IQCK: variants seen among roughly 807,000 people sequenced by gnomAD.
IQCK encodes the protein IQ motif containing K.
Under a neutral mutation model 28.1 loss-of-function variants are expected in IQCK, and 29 were observed. The ratio of observed to expected loss-of-function variants is 1.03; its 90% CI spans 0.77 to 1.41. The LOEUF (loss-of-function observed/expected upper bound fraction) is 1.41. IQCK is among the 40% of genes most tolerant of loss of function. IQCK has a pLI of 0.00. For synonymous variants in IQCK, 113 were observed against 115.1 expected (o/e 0.98, Z 0.12); for missense variants, 359 against 314.7 (o/e 1.14, Z -1.07).
chr16:19,725,269 T>C (rs1977620536), intron 1 of IQCK, among the ~76,000 whole-genome samples: 1 of 152,140 alleles, frequency 6.6e-6, no homozygotes, highest in South Asian at 2.1e-4. Context: ...GTGATCGTGC[T>C]TACTACAGCC....
At chr16:19,759,348 A>G (rs1199215277) in intron 4 of IQCK, among the ~76,000 whole-genome samples, 4 of 152,020 alleles carry the variant, frequency 2.6e-5, no homozygotes, top group African/African-American at 9.7e-5. Context: ...AGCTGGGATT[A>G]CAGGCACGTG....
chr16:19,771,999 T>A lies in IQCK; in HGVS notation c.605+7887T>A, dbSNP rs77400206. On this transcript the variant is annotated intron_variant, in intron 6 of 7. Coordinates refer to ENST00000564186, the Ensembl canonical transcript of IQCK. The stretch of plus-strand genomic sequence containing the variant: ...GGTGCATATAAACAGCCTGCTTATG[T>A]GATTGTCTCCAGCAACCCTCCACAG... Among the ~76,000 whole-genome samples, 1,089 of 152,244 alleles carry A rather than the reference T, an allele frequency of 7.2e-3. 19 individuals are homozygous for A. Among genetic ancestry groups the A allele is most frequent in the Admixed American group, 0.039 (590 of 15,280 alleles).
chr16:19,812,869 A>T (rs2055926909), intron 7 of IQCK, among the ~76,000 whole-genome samples: 1 of 152,244 alleles, frequency 6.6e-6, no homozygotes, highest in Non-Finnish European at 1.5e-5. Context: ...ATTTGAAAAA[A>T]CTTAAGTGCA....
chr16:19,799,152 C>T (rs1310477780), intron 7 of IQCK, among the ~76,000 whole-genome samples: 1 of 117,504 alleles, frequency 8.5e-6, no homozygotes, highest in Non-Finnish European at 1.6e-5. Context: ...CAATTATAAA[C>T]ACTTTTTTAA....
At chr16:19,718,400 G>A in exon 1 of IQCK, 1 of 1,606,120 alleles carries the variant, frequency 6.2e-7, no homozygotes, top group Middle Eastern at 1.7e-4. Flanking sequence ...GGTGCCCACC[G>A]TGTCTCTCGC....
intron 6 of IQCK, among the ~76,000 whole-genome samples, chr16:19,781,461 G>A (rs1285709206): frequency 6.6e-6 from 1 of 152,148 alleles, no homozygotes; most frequent in Non-Finnish European, 1.5e-5. Context: ...GTAGAGATTA[G>A]TGAAGGGGCC....
At chr16:19,819,229 AC>A (rs1469623118) in intron 7 of IQCK, among the ~76,000 whole-genome samples, 1 of 152,184 alleles carries the variant, frequency 6.6e-6, no homozygotes, top group Non-Finnish European at 1.5e-5. Context: ...GTGTTGTCTC[AC>A]GCCTGTAATT....
chr16:19,734,048 T>G (rs1977926943), intron 3 of IQCK: 1 of 466,378 alleles, frequency 2.1e-6, no homozygotes, highest in Non-Finnish European at 3.8e-6. Context: ...ATACTTTGAT[T>G]TTACATTAAA....
At chr16:19,731,501 T>C (rs1468728933) in intron 2 of IQCK, among the ~76,000 whole-genome samples, 3 of 152,242 alleles carry the variant, frequency 2.0e-5, no homozygotes, top group Non-Finnish European at 4.4e-5. Context: ...CGCAATTCTT[T>C]CTCAAATTTC....
intron 1 of IQCK, among the ~76,000 whole-genome samples, chr16:19,719,590 CA>C (rs564160103): frequency 6.2e-4 from 81 of 129,704 alleles, no homozygotes; most frequent in South Asian, 1.8e-3. Context: ...ACTCCATCCC[CA>C]AAAAAAAAAA....
rs1438170363 is a variant in IQCK at position 19,833,969 on chromosome 16, T to C, written c.802+6832T>C. Among the ~76,000 whole-genome samples, 3 of 152,094 alleles carry C rather than the reference T, an allele frequency of 2.0e-5. No homozygotes were observed. In the East Asian group the frequency reaches 5.8e-4, roughly 29 times the overall value. ...CAGGCGTGCTAGCACACTCCTGTAG[T>C]CCCAGCTACTCAGGAAGCTGAGGTG... On this transcript the variant is annotated intron_variant, in intron 9 of 9. Transcript: ENST00000320394.
intron 4 of IQCK, chr16:19,761,697 G>A (rs1597531104): frequency 3.8e-6 from 1 of 262,572 alleles, no homozygotes; most frequent in East Asian, 9.4e-5. Context: ...CCACCCCATT[G>A]GCAGGCTCAG....
chr16:19,857,401 C>T (rs1160487401), exon 10 of IQCK: 9 of 429,014 alleles, frequency 2.1e-5, no homozygotes, highest in Non-Finnish European at 4.1e-5. Context: ...TTTATATAGT[C>T]GTTTATGGTA....
At chr16:19,723,088 A>G (rs554346923) in intron 1 of IQCK, among the ~76,000 whole-genome samples, 1 of 150,782 alleles carries the variant, frequency 6.6e-6, no homozygotes, top group African/African-American at 2.4e-5. Flanking sequence ...AATATCTCCC[A>G]CCATCCCCAC....
At chr16:19,770,150 A>T (rs1331954957) in intron 6 of IQCK, among the ~76,000 whole-genome samples, 3 of 152,204 alleles carry the variant, frequency 2.0e-5, no homozygotes, top group African/African-American at 7.2e-5. Flanking sequence ...CCCACATTGA[A>T]TGTATGGATT....
intron 6 of IQCK, among the ~76,000 whole-genome samples, chr16:19,778,857 G>C (rs1380659605): frequency 6.6e-6 from 1 of 152,034 alleles, no homozygotes; most frequent in Non-Finnish European, 1.5e-5. Flanking sequence ...AAATATATAT[G>C]TTCCCTTATA....
At chr16:19,830,198 C>G (rs970836613), downstream of IQCK, among the ~76,000 whole-genome samples, 2 of 152,194 alleles carry the variant, frequency 1.3e-5, no homozygotes, top group African/African-American at 4.8e-5. Flanking sequence ...GTTCCATGCA[C>G]AACTGCAGTT....
intron 6 of IQCK, among the ~76,000 whole-genome samples, chr16:19,772,746 A>G (rs1013619359): frequency 6.6e-6 from 1 of 152,148 alleles, no homozygotes; most frequent in Non-Finnish European, 1.5e-5. Context: ...GCAGTGGCTC[A>G]TGCCTGCCAG....
At chr16:19,727,684 A>G (rs557434330) in intron 1 of IQCK, among the ~76,000 whole-genome samples, 53 of 151,920 alleles carry the variant, frequency 3.5e-4, no homozygotes, top group African/African-American at 1.1e-3. Context: ...TACACTCTAC[A>G]TAAGACATCC....
Sources: allele counts gnomAD v4.1 joint callset (sites outside exome capture counted in the v4.1 genomes callset), GRCh38; gene constraint gnomAD v4.1.1; transcripts MANE v1.5; gene names NCBI Gene and HGNC (gene_info 2026-07-23, HGNC 2026-07-21).